Variants in KCNT2 observed in about 807,000 individuals in gnomAD.
KCNT2 encodes the protein potassium sodium-activated channel subfamily T member 2.
In KCNT2, 67 loss-of-function variants were observed where a neutral mutation model predicts 153.8. That is an observed-to-expected ratio of 0.44 (90% CI 0.36 to 0.53). The LOEUF (loss-of-function observed/expected upper bound fraction) is 0.53. Ranked by LOEUF, KCNT2 falls within the 20% of genes least tolerant of loss-of-function variation. The pLI is 0.00. For synonymous variants in KCNT2, 500 were observed against 458.8 expected, an observed-to-expected ratio of 1.09 and a Z score of -1.15; for missense variants, 975 against 1,354.8, an observed-to-expected ratio of 0.72 and a Z score of 4.40.
At chr1:196,460,172 T>C (rs1215176046) in intron 8 of KCNT2, among the ~76,000 whole-genome samples, 5 of 151,844 alleles carry the variant, frequency 3.3e-5, no homozygotes, top group Non-Finnish European at 4.4e-5. Context: ...ATAAGGTATG[T>C]GCGTGTAATT....
At chr1:196,441,563 G>T in intron 8 of KCNT2, among the ~76,000 whole-genome samples, 1 of 150,922 alleles carries the variant, frequency 6.6e-6, no homozygotes. Context: ...TGTCCACATT[G>T]TCCATTGCCA....
At chr1:196,541,767 T>A (rs1303420891) in intron 1 of KCNT2, among the ~76,000 whole-genome samples, 4 of 152,138 alleles carry the variant, frequency 2.6e-5, no homozygotes, top group Non-Finnish European at 5.9e-5. Context: ...AATTATCTGA[T>A]AATAATTCTA....
chr1:196,255,605 G>A (rs1176583182), intron 26 of KCNT2, among the ~76,000 whole-genome samples: 1 of 151,826 alleles, frequency 6.6e-6, no homozygotes, highest in African/African-American at 2.4e-5. Context: ...AAGGAGCAGA[G>A]AAATTAATGG....
intron 26 of KCNT2, among the ~76,000 whole-genome samples, chr1:196,246,781 T>C (rs532034316): frequency 7.7e-4 from 117 of 151,902 alleles, no homozygotes; most frequent in Admixed American, 2.7e-3. Context: ...AACAGATACA[T>C]GATAAATAAA....
chr1:196,425,953 C>A lies in KCNT2; in HGVS notation c.1020G>T (p.Met340Ile). ...GCAGTACCCTTCGAACCTGTACATC[C>A]ATTTCAGTAGGACACAAAATCACCA... ...YYVVILCPTEMDVQVRRVLQI... is the reference protein window; with the variant it reads ...YYVVILCPTEIDVQVRRVLQI... Residue 340 changes from methionine to isoleucine, a missense_variant, in exon 11 of 28, where the codon ATG becomes ATT. Met to Ile is a conservative substitution (Grantham distance 10). Coordinates refer to ENST00000294725, the MANE Select transcript of KCNT2 (RefSeq NM_198503.5). 6.2e-7 allele frequency: 1 copy of A among 1,612,084 alleles called. No individual in the cohort carries two copies. Among genetic ancestry groups the A allele is most frequent in the Non-Finnish European group, 8.5e-7 (1 of 1,178,768 alleles).
chr1:196,242,911 A>G (rs985893036), intron 26 of KCNT2, among the ~76,000 whole-genome samples: 24 of 152,158 alleles, frequency 1.6e-4, no homozygotes, highest in African/African-American at 5.1e-4. Context: ...TGATTATCTC[A>G]TAGGTACGTT....
At chr1:196,456,870 G>A (rs1488320608) in intron 8 of KCNT2, among the ~76,000 whole-genome samples, 1 of 151,940 alleles carries the variant, frequency 6.6e-6, no homozygotes, top group Non-Finnish European at 1.5e-5. Context: ...CCTGGAGACA[G>A]TAGGCATGAT....
rs976028623 is a variant in KCNT2 at position 196,319,464 on chromosome 1, C to T, written c.2348+20G>A. 21 of 1,583,642 alleles carry T rather than the reference C, an allele frequency of 1.3e-5. No individual in the cohort carries two copies. Among genetic ancestry groups the T allele is most frequent in the Non-Finnish European group, 1.8e-5 (21 of 1,153,924 alleles). On this transcript the variant is annotated intron_variant, in intron 20 of 27. Coordinates refer to ENST00000294725, the MANE Select transcript of KCNT2 (RefSeq NM_198503.5). ...ACAGGACACTACACTAGTTAGTGTG[C>T]CAAAGATTTTGTCACCTACTTGTCA...
chr1:196,574,031 A>T (rs954500067), intron 1 of KCNT2, among the ~76,000 whole-genome samples: 3 of 152,026 alleles, frequency 2.0e-5, no homozygotes, highest in Non-Finnish European at 4.4e-5. Flanking sequence ...ATAAAGGAAC[A>T]ATACAGTATA....
chr1:196,277,809 G>A (rs1658713194), intron 25 of KCNT2, among the ~76,000 whole-genome samples: 1 of 151,956 alleles, frequency 6.6e-6, no homozygotes, highest in African/African-American at 2.4e-5. Flanking sequence ...TATTTTGTTA[G>A]ATCCACTAAG....
chr1:196,504,791 A>G (rs1680995316), intron 1 of KCNT2, among the ~76,000 whole-genome samples: 1 of 152,116 alleles, frequency 6.6e-6, no homozygotes, highest in Admixed American at 6.6e-5. Context: ...CTGGTGTGAG[A>G]TGGTATCTCA....
intron 1 of KCNT2, among the ~76,000 whole-genome samples, chr1:196,593,556 T>A (rs1572923219): frequency 6.6e-6 from 1 of 151,872 alleles, no homozygotes; most frequent in African/African-American, 2.4e-5. Flanking sequence ...ATAATCGGAT[T>A]TTTTGTAACA....
chr1:196,570,067 T>TAAAAACAAAAA (rs1660587449), intron 1 of KCNT2, among the ~76,000 whole-genome samples: 1 of 133,710 alleles, frequency 7.5e-6, no homozygotes, highest in African/African-American at 3.6e-5. Flanking sequence ...TGAGCTAGAG[T>TAAAAACAAAAA]AAAAAAAAAA....
At chr1:196,268,313 A>G (rs1657737516) in intron 25 of KCNT2, among the ~76,000 whole-genome samples, 1 of 152,170 alleles carries the variant, frequency 6.6e-6, no homozygotes, top group African/African-American at 2.4e-5. Flanking sequence ...ATATACACCT[A>G]CACATTTAAG....
chr1:196,419,381 T>C (rs1673014642), intron 12 of KCNT2, among the ~76,000 whole-genome samples: 1 of 132,046 alleles, frequency 7.6e-6, no homozygotes, highest in African/African-American at 2.8e-5. Context: ...CCCCTTCCTG[T>C]GTCCATGTGT....
intron 1 of KCNT2, among the ~76,000 whole-genome samples, chr1:196,589,566 T>G (rs1273256991): frequency 6.6e-6 from 1 of 152,060 alleles, no homozygotes; most frequent in Non-Finnish European, 1.5e-5. Context: ...CAAAAACCAA[T>G]CCCTCTGAGG....
chr1:196,351,017 T>C (rs1666633989), intron 14 of KCNT2, among the ~76,000 whole-genome samples: 1 of 152,172 alleles, frequency 6.6e-6, no homozygotes, highest in Admixed American at 6.6e-5. Flanking sequence ...TAGTTGTAGA[T>C]ATGTGGCGTT....
chr1:196,266,996 A>G (rs1657601837), intron 25 of KCNT2, among the ~76,000 whole-genome samples: 3 of 152,292 alleles, frequency 2.0e-5, no homozygotes, highest in Middle Eastern at 3.4e-3. Flanking sequence ...CTGTAACAAC[A>G]CAGATCCCGA....
chr1:196,549,742 A>C (rs1372135720), intron 1 of KCNT2, among the ~76,000 whole-genome samples: 2 of 151,852 alleles, frequency 1.3e-5, no homozygotes, highest in African/African-American at 2.4e-5. Context: ...TTTTATTCAG[A>C]TATGTTTGAG....
Sources: allele counts gnomAD v4.1 joint callset (sites outside exome capture counted in the v4.1 genomes callset), GRCh38; gene constraint gnomAD v4.1.1; transcripts MANE v1.5; gene names NCBI Gene and HGNC (gene_info 2026-07-23, HGNC 2026-07-21).